The following ANP32B variants were observed in gnomAD, a reference collection of about 807,000 sequenced individuals.
ANP32B encodes the protein acidic leucine-rich nuclear phosphoprotein 32 family member B.
Under a neutral mutation model 32.2 loss-of-function variants are expected in ANP32B, and 6 were observed. The observed-to-expected ratio is 0.19, with a 90% CI of 0.10 to 0.37. The LOEUF (loss-of-function observed/expected upper bound fraction) is 0.37. Among genes scored for constraint, ANP32B ranks in the 10% least tolerant of loss-of-function variants. ANP32B has a pLI of 1.00. For missense variants in ANP32B, 204 were observed against 289.2 expected (o/e 0.71, Z 2.14); for synonymous variants, 98 against 105.8 (o/e 0.93, Z 0.45).
At chr9:97,992,671 A>G (rs981571539) in intron 1 of ANP32B, among the ~76,000 whole-genome samples, 2 of 152,206 alleles carry the variant, frequency 1.3e-5, no homozygotes, top group African/African-American at 4.8e-5. Context: ...TACTGTTTAC[A>G]TTGGTGGGTG....
At chr9:97,989,283 C>G (rs759733579) in intron 1 of ANP32B, among the ~76,000 whole-genome samples, 8 of 152,054 alleles carry the variant, frequency 5.3e-5, no homozygotes, top group Non-Finnish European at 1.2e-4. Context: ...CAATATAGTT[C>G]AAATTTTTCA....
At position 98,011,384 on chromosome 9, in the gene ANP32B, G is replaced by C. The variant is rs1330930663; in HGVS notation, c.631G>C (p.Glu211Gln). ...GGATGAGGACGACGATGAAGTCAGT[G>C]AGGAGGTCAGTGCAGCTGTTTTCTA... is the stretch of plus-strand genomic sequence containing the variant. ...EGDEDDDEVS[E>Q]EEEEFGLDEE... Residue 211 changes from glutamate to glutamine, a missense_variant, in exon 5 of 7, where the codon GAG (glutamate) becomes CAG (glutamine). By Grantham distance (29) the Glu-to-Gln change is conservative. Transcript: ENST00000339399. 1 of 1,586,290 alleles carries C rather than the reference G, an allele frequency of 6.3e-7. No homozygotes were observed. Among genetic ancestry groups the C allele is most frequent in the Non-Finnish European group, 8.6e-7 (1 of 1,162,804 alleles).
chr9:98,007,752 A>C (rs1216418334), intron 4 of ANP32B, among the ~76,000 whole-genome samples: 1 of 152,178 alleles, frequency 6.6e-6, no homozygotes, highest in Non-Finnish European at 1.5e-5. Flanking sequence ...CTAGCTGACA[A>C]ATGTCACCTG....
intron 2 of ANP32B, among the ~76,000 whole-genome samples, chr9:97,995,243 C>G (rs1029074966): frequency 6.6e-6 from 1 of 152,206 alleles, no homozygotes; most frequent in Non-Finnish European, 1.5e-5. Flanking sequence ...CTTTGCTCCT[C>G]TAACCCAACC....
chr9:97,998,162 A>C (rs1280589677), intron 2 of ANP32B, among the ~76,000 whole-genome samples: 2 of 152,230 alleles, frequency 1.3e-5, no homozygotes, highest in Non-Finnish European at 2.9e-5. Context: ...GGGCATTGCA[A>C]GCTTTGAAGG....
intron 2 of ANP32B, among the ~76,000 whole-genome samples, chr9:97,997,571 C>T (rs772909750): frequency 1.3e-5 from 2 of 152,198 alleles, no homozygotes; most frequent in South Asian, 4.1e-4. Context: ...AGTTTATTTT[C>T]CTCATCTGTA....
At chr9:98,004,229 G>C (rs1828040475) in intron 3 of ANP32B, among the ~76,000 whole-genome samples, 1 of 152,136 alleles carries the variant, frequency 6.6e-6, no homozygotes, top group Admixed American at 6.6e-5. Flanking sequence ...TGGTTCCAAA[G>C]AAATGAGGTA....
chr9:97,989,849 A>G (rs16925952), intron 1 of ANP32B, among the ~76,000 whole-genome samples: 8,786 of 152,228 alleles, frequency 0.058, 791 homozygotes, highest in African/African-American at 0.2. Context: ...AGATTGTTTT[A>G]AACTGAAGAG....
chr9:98,010,919 A>G (rs1371594052), intron 4 of ANP32B, among the ~76,000 whole-genome samples: 3 of 151,982 alleles, frequency 2.0e-5, no homozygotes, highest in South Asian at 2.1e-4. Context: ...ATGAACCCCC[A>G]TGTTCTTATC....
chr9:98,005,386 A>C (rs1212449468), intron 4 of ANP32B: 1 of 293,882 alleles, frequency 3.4e-6, no homozygotes, highest in Non-Finnish European at 6.5e-6. Context: ...GTGGTGGCGC[A>C]CACCTGGAGT....
At chr9:98,012,761 C>T (rs758889136) in intron 6 of ANP32B, among the ~76,000 whole-genome samples, 9 of 152,180 alleles carry the variant, frequency 5.9e-5, no homozygotes, top group African/African-American at 1.7e-4. Flanking sequence ...GACGGAATCT[C>T]GCTCTGTTGC....
intron 1 of ANP32B, 115 bp downstream of exon 1, chr9:97,983,724 C>T: frequency 1.3e-6 from 1 of 768,988 alleles, no homozygotes. Flanking sequence ...GAGCGCAGCT[C>T]GTGGGCTCGG....
chr9:98,001,075 C>T (rs1361806627), intron 3 of ANP32B, among the ~76,000 whole-genome samples: 2 of 152,072 alleles, frequency 1.3e-5, no homozygotes, highest in Non-Finnish European at 2.9e-5. Context: ...TGATGCTTTC[C>T]CGTTCACATG....
chr9:98,006,442 GT>G (rs990034300), intron 4 of ANP32B, among the ~76,000 whole-genome samples: 1 of 126,628 alleles, frequency 7.9e-6, no homozygotes, highest in African/African-American at 3.4e-5. Flanking sequence ...CTCAGTCACA[GT>G]TTTGTTAGGC....
In ANP32B at chr9:97,983,430, A is replaced by G. The variant is rs976361710; in HGVS notation, c.-126A>G. 8.4e-6 allele frequency: 7 copies of G among 832,900 alleles called. No homozygotes were observed. In the African/African-American group the frequency reaches 8.9e-5, roughly 11 times the overall value. The allele number at this position is 832,900 out of a possible 1,614,324, so 51.6% of individuals were successfully genotyped here. The stretch of plus-strand genomic sequence containing the variant: ...GCCCGCACGCCGCCCGCCACCCAGG[A>G]CCGCGCCGCCGGCCTCCGCCGCTAG... On this transcript the variant is annotated 5_prime_UTR_variant, in exon 1 of 7. Transcript: ENST00000339399.
chr9:98,003,773 AGTTT>A lies in ANP32B; in HGVS notation c.328-1185_328-1182del, dbSNP rs1564139785. Among the ~76,000 whole-genome samples, 4 of 152,248 alleles carry A rather than the reference AGTTT, an allele frequency of 2.6e-5. No individual in the cohort carries two copies. In the East Asian group the frequency reaches 7.7e-4, roughly 29 times the overall value. ...TTATTTTATGTGGAGGTCCTCTTAA[AGTTT>A]GTTTGGGTGTTTTTAGTACTATCTT... On this transcript the variant is annotated intron_variant, in intron 3 of 6. Coordinates refer to ENST00000339399, the MANE Select transcript of ANP32B (RefSeq NM_006401.3).
intron 1 of ANP32B, among the ~76,000 whole-genome samples, chr9:97,993,982 G>T (rs1827868347): frequency 6.6e-6 from 1 of 152,174 alleles, no homozygotes; most frequent in African/African-American, 2.4e-5. Flanking sequence ...AGACTGTGTA[G>T]CCTGAAAATG....
intron 6 of ANP32B, among the ~76,000 whole-genome samples, chr9:98,013,410 A>AAAG (rs1828221262): frequency 6.6e-6 from 1 of 152,238 alleles, no homozygotes; most frequent in South Asian, 2.1e-4. Context: ...GAGTTCTTTC[A>AAAG]TTTTTTAAAA....
chr9:98,002,458 C>T (rs1415083740), intron 3 of ANP32B: 4 of 152,068 alleles, frequency 2.6e-5, no homozygotes, highest in Admixed American at 2.6e-4. Flanking sequence ...CATCAAATTT[C>T]TGGTATGGTA....
Sources: allele counts gnomAD v4.1 joint callset (sites outside exome capture counted in the v4.1 genomes callset), GRCh38; gene constraint gnomAD v4.1.1; transcripts MANE v1.5; gene names NCBI Gene and HGNC (gene_info 2026-07-23, HGNC 2026-07-21).